Variants in TMPRSS11F observed in about 807,000 individuals in gnomAD.
TMPRSS11F encodes transmembrane protease serine 11F.
TMPRSS11F carries 47 observed loss-of-function variants against 60.2 expected under a neutral mutation model. That is an observed-to-expected ratio of 0.78 (90% confidence interval 0.62 to 1.00). TMPRSS11F has a LOEUF of 1.00. Ranked by LOEUF, TMPRSS11F falls within the 50% of genes least tolerant of loss-of-function variation. TMPRSS11F has a pLI of 0.00. For missense variants in TMPRSS11F, 519 were observed against 522.9 expected, an observed-to-expected ratio of 0.99 and a Z score of 0.07; for synonymous variants, 166 against 167.3, an observed-to-expected ratio of 0.99 and a Z score of 0.06.
At chr4:68,059,603 G>A in intron 8 of TMPRSS11F, 135 bp from the exon 9 acceptor site, 3 of 834,054 alleles carry the variant, frequency 3.6e-6, no homozygotes, top group Non-Finnish European at 3.6e-6. Flanking sequence ...CTTATTTTCT[G>A]TCATAAATGT....
At chr4:68,054,149 A>G (rs1722995360) in intron 9 of TMPRSS11F, 82 bp from the exon 10 acceptor site, 1 of 1,328,636 alleles carries the variant, frequency 7.5e-7, no homozygotes, top group South Asian at 1.4e-5. Flanking sequence ...CACAGAGAAA[A>G]AAGGAAATTG....
At chr4:68,075,080 T>G (rs1723556565) in intron 3 of TMPRSS11F, among the ~76,000 whole-genome samples, 1 of 152,210 alleles carries the variant, frequency 6.6e-6, no homozygotes, top group Non-Finnish European at 1.5e-5. Context: ...ATTTCCATGG[T>G]AAATTTTGCC....
At chr4:68,070,157 T>C in intron 5 of TMPRSS11F, 150 bp from the exon 6 acceptor site, 2 of 514,294 alleles carry the variant, frequency 3.9e-6, no homozygotes, top group Admixed American at 7.1e-5. Context: ...AAGTCATATA[T>C]AAATAACCCT....
chr4:68,066,178 T>C lies in TMPRSS11F; in HGVS notation c.756-1234A>G, dbSNP rs1723323102. Reference sequence around the variant, plus strand: ...GTTCTGCTCTCATCTATTTCACTTCTTTAGAGATTAAGATAAGATTTTATT... The same window carrying C: ...GTTCTGCTCTCATCTATTTCACTTCCTTAGAGATTAAGATAAGATTTTATT... On this transcript the variant is annotated intron_variant, in intron 7 of 9. Coordinates refer to ENST00000356291, the MANE Select transcript of TMPRSS11F (RefSeq NM_207407.2). 2.0e-5 allele frequency among the ~76,000 whole-genome samples: 3 copies of C among 151,744 alleles called. No homozygotes were observed. The South Asian group carries it at 6.2e-4, about 32-fold the overall frequency.
chr4:68,125,635 G>T (rs954417964), intron 1 of TMPRSS11F, among the ~76,000 whole-genome samples: 1 of 152,062 alleles, frequency 6.6e-6, no homozygotes, highest in Non-Finnish European at 1.5e-5. Flanking sequence ...AAACTTTCTT[G>T]CTATTTGTCC....
intron 1 of TMPRSS11F, among the ~76,000 whole-genome samples, chr4:68,119,954 T>A (rs1053150965): frequency 1.3e-5 from 2 of 152,234 alleles, no homozygotes; most frequent in African/African-American, 2.4e-5. Flanking sequence ...GGAGGGAAGG[T>A]CAAAATATCA....
rs1560390875 is a variant in TMPRSS11F at position 68,059,426 on chromosome 4, A to T, written c.1058T>A (p.Ile353Lys). The change falls in exon 9 of 10, where the codon ATA (isoleucine) becomes AAA (lysine). Residue 353 changes from isoleucine to lysine, a missense_variant. Transcript: ENST00000356291. ...CTTTCTGTTACACACATCAGTGCTT[A>T]TGGTTTCCACTCTGGCTTGCCGAAG... ...NTLRQARVET[I>K]STDVCNRKDV... 5 of 1,613,966 alleles carry T rather than the reference A, an allele frequency of 3.1e-6. No individual in the cohort carries two copies. Among genetic ancestry groups the T allele is most frequent in the Non-Finnish European group, 4.2e-6 (5 of 1,179,950 alleles).
At chr4:68,062,857 T>A in intron 8 of TMPRSS11F, 1 of 779,298 alleles carries the variant, frequency 1.3e-6, no homozygotes, top group South Asian at 1.3e-5. Context: ...ATGTATTGGG[T>A]GGTCTGTTTG....
At chr4:68,097,334 C>A (rs986963174) in intron 2 of TMPRSS11F, among the ~76,000 whole-genome samples, 1 of 152,120 alleles carries the variant, frequency 6.6e-6, no homozygotes, top group African/African-American at 2.4e-5. Context: ...CGCTGTAAGG[C>A]GAGAATTTAT....
chr4:68,126,436 A>C (rs1203282578), intron 1 of TMPRSS11F, among the ~76,000 whole-genome samples: 1 of 152,216 alleles, frequency 6.6e-6, no homozygotes, highest in Non-Finnish European at 1.5e-5. Context: ...CTTAAAGTAC[A>C]GTCTCTAGTT....
intron 9 of TMPRSS11F, among the ~76,000 whole-genome samples, chr4:68,056,876 A>G (rs1723058533): frequency 6.6e-6 from 1 of 152,218 alleles, no homozygotes; most frequent in African/African-American, 2.4e-5. Flanking sequence ...AGCCAGAAAA[A>G]AACACATATA....
intron 1 of TMPRSS11F, among the ~76,000 whole-genome samples, chr4:68,111,332 C>G (rs977598362): frequency 9.2e-5 from 14 of 152,126 alleles, no homozygotes; most frequent in Middle Eastern, 3.2e-3. Flanking sequence ...ACTCAGACAT[C>G]TTTGCCTACT....
At chr4:68,069,723 A>G (rs978580332) in intron 6 of TMPRSS11F, among the ~76,000 whole-genome samples, 5 of 152,138 alleles carry the variant, frequency 3.3e-5, no homozygotes, top group African/African-American at 1.2e-4. Flanking sequence ...TATAATATCT[A>G]GAATATTATG....
At chr4:68,062,139 CTA>C in intron 8 of TMPRSS11F, 1 of 439,486 alleles carries the variant, frequency 2.3e-6, no homozygotes, top group South Asian at 1.7e-5. Context: ...ACTGGCCAAA[CTA>C]TGTTTTATAA....
chr4:68,120,782 C>T (rs914948671), intron 1 of TMPRSS11F, among the ~76,000 whole-genome samples: 35 of 152,100 alleles, frequency 2.3e-4, no homozygotes, highest in African/African-American at 7.7e-4. Flanking sequence ...GCAATCACCA[C>T]CATGATCAGT....
At chr4:68,113,974 G>T (rs916786734) in intron 1 of TMPRSS11F, among the ~76,000 whole-genome samples, 3 of 151,946 alleles carry the variant, frequency 2.0e-5, no homozygotes, top group Admixed American at 2.0e-4. Context: ...ATAACAGAAA[G>T]ATATCTGGAA....
chr4:68,075,912 G>T (rs1723574142), intron 3 of TMPRSS11F, among the ~76,000 whole-genome samples: 1 of 151,904 alleles, frequency 6.6e-6, no homozygotes, highest in South Asian at 2.1e-4. Flanking sequence ...AGAATGGCCT[G>T]AACCTGGGAG....
At chr4:68,092,483 GA>G (rs756000517) in intron 2 of TMPRSS11F, among the ~76,000 whole-genome samples, 2 of 152,206 alleles carry the variant, frequency 1.3e-5, no homozygotes, top group East Asian at 3.9e-4. Context: ...CAAGAAATAT[GA>G]ATCAGGGTGA....
intron 1 of TMPRSS11F, among the ~76,000 whole-genome samples, chr4:68,124,945 AT>A (rs370189875): frequency 2.7e-3 from 256 of 94,116 alleles, no homozygotes; most frequent in African/African-American, 9.4e-3. Context: ...CTAAACCAGC[AT>A]TTTTTTTTTT....
Sources: gnomAD v4.1 joint callset for allele counts (sites outside exome capture counted in the v4.1 genomes callset) on GRCh38, gnomAD v4.1.1 for gene constraint, MANE v1.5 for transcripts, NCBI Gene and HGNC (gene_info 2026-07-23, HGNC 2026-07-21) for gene names.